The following FOXP2 variants were observed in gnomAD, a reference collection of about 807,000 sequenced individuals.
FOXP2 encodes forkhead box protein P2.
FOXP2 carries 12 observed loss-of-function variants against 115.8 expected under a neutral mutation model. The ratio of observed to expected loss-of-function variants is 0.10; its 90% CI spans 0.07 to 0.17. The LOEUF (loss-of-function observed/expected upper bound fraction) is 0.17, where lower values mean the gene tolerates loss of function less well. FOXP2 is among the 10% of genes least tolerant of loss of function. The pLI is 1.00. For missense variants in FOXP2, 629 were observed against 843.5 expected (o/e 0.75, Z 3.15); for synonymous variants, 328 against 297.7 (o/e 1.10, Z -1.05).
At chr7:114,458,908 C>A (rs1795440534) in intron 2 of FOXP2, among the ~76,000 whole-genome samples, 1 of 152,060 alleles carries the variant, frequency 6.6e-6, no homozygotes, top group South Asian at 2.1e-4. Context: ...GAGGGAGGTG[C>A]TGGCTAGGTG....
Position 114,603,373 on chromosome 7 carries a change from A to G in FOXP2, c.259-25167A>G, listed in dbSNP as rs575418555. Among the ~76,000 whole-genome samples the G allele has an allele frequency of 2.0e-5, 3 of 152,340 alleles. No homozygotes were observed. In the South Asian group the frequency reaches 6.2e-4, roughly 32 times the overall value. ...AAATTACTTTCCCAAACTGGAATTAAGGGAATTCATGAAAACCTGATTTGC... is the reference window on the plus strand; with the variant it reads ...AAATTACTTTCCCAAACTGGAATTAGGGGAATTCATGAAAACCTGATTTGC... On this transcript the variant is annotated intron_variant, in intron 3 of 16. Transcript: ENST00000350908.
chr7:114,604,440 T>G (rs1388395421), intron 3 of FOXP2, among the ~76,000 whole-genome samples: 1 of 152,202 alleles, frequency 6.6e-6, no homozygotes, highest in East Asian at 1.9e-4. Context: ...TCTCATATGT[T>G]ATGTCAATCT....
chr7:114,482,275 T>A (rs1385388365), intron 2 of FOXP2, among the ~76,000 whole-genome samples: 3 of 151,482 alleles, frequency 2.0e-5, no homozygotes, highest in Admixed American at 6.6e-5. Flanking sequence ...AATATTAACA[T>A]CCTCTCAGTG....
intron 2 of FOXP2, among the ~76,000 whole-genome samples, chr7:114,377,428 C>A (rs528694184): frequency 2.6e-5 from 4 of 152,188 alleles, no homozygotes; most frequent in South Asian, 4.1e-4. Flanking sequence ...AAAAGAAGTA[C>A]AAGAAAAATG....
intron 1 of FOXP2, chr7:114,088,140 TAC>T (rs1799463132): frequency 6.9e-6 from 1 of 144,198 alleles, no homozygotes; most frequent in African/African-American, 2.5e-5. Flanking sequence ...TCCACACACA[TAC>T]ACACTTTTTT....
chr7:114,246,982 G>A (rs772293129), intron 1 of FOXP2, among the ~76,000 whole-genome samples: 1 of 152,014 alleles, frequency 6.6e-6, no homozygotes, highest in Non-Finnish European at 1.5e-5. Context: ...TTTCACATTT[G>A]GCTTTCTTTC....
At chr7:114,572,973 C>T (rs1801393703) in intron 3 of FOXP2, among the ~76,000 whole-genome samples, 1 of 151,806 alleles carries the variant, frequency 6.6e-6, no homozygotes, top group South Asian at 2.1e-4. Flanking sequence ...GCTTTGAATG[C>T]AGTGTTAAGT....
intron 13 of FOXP2, 72 bp downstream of exon 13, chr7:114,659,745 A>G: frequency 8.4e-7 from 1 of 1,192,294 alleles, no homozygotes; most frequent in Non-Finnish European, 1.3e-6. Context: ...ACATTTATTT[A>G]CATGACATAA....
chr7:114,476,188 C>T (rs1796252340), intron 2 of FOXP2, among the ~76,000 whole-genome samples: 1 of 146,812 alleles, frequency 6.8e-6, no homozygotes. Flanking sequence ...GCCAAAAATT[C>T]TTTGTCAAGA....
At chr7:114,435,027 GCT>G (rs1017652773) in intron 2 of FOXP2, among the ~76,000 whole-genome samples, 6 of 152,122 alleles carry the variant, frequency 3.9e-5, no homozygotes, top group African/African-American at 1.4e-4. Context: ...AACTGAATCA[GCT>G]CTCTCATAAT....
intron 1 of FOXP2, among the ~76,000 whole-genome samples, chr7:114,156,308 A>T (rs1018769541): frequency 1.3e-5 from 2 of 152,014 alleles, no homozygotes; most frequent in Non-Finnish European, 2.9e-5. Context: ...GTGGGAGAAG[A>T]GCTCTCTCCT....
intron 16 of FOXP2, among the ~76,000 whole-genome samples, chr7:114,670,519 T>A (rs1807437453): frequency 6.6e-6 from 1 of 152,076 alleles, no homozygotes. Context: ...TATTATACTT[T>A]GGCCTCTCCT....
chr7:114,215,223 G>T (rs1794456328), intron 1 of FOXP2, among the ~76,000 whole-genome samples: 1 of 151,970 alleles, frequency 6.6e-6, no homozygotes, highest in Non-Finnish European at 1.5e-5. Context: ...TTCTTTTGTT[G>T]TTTTATCGTG....
intron 1 of FOXP2, among the ~76,000 whole-genome samples, chr7:114,171,821 T>G (rs1254639952): frequency 6.6e-6 from 1 of 152,224 alleles, no homozygotes; most frequent in Non-Finnish European, 1.5e-5. Context: ...GATTCAGATT[T>G]CTGATGGCAT....
chr7:114,508,799 A>T (rs1584824971), intron 2 of FOXP2, among the ~76,000 whole-genome samples: 1 of 152,086 alleles, frequency 6.6e-6, no homozygotes, highest in South Asian at 2.1e-4. Flanking sequence ...TGATAAGCCA[A>T]CAAGAGATAA....
rs139040580 is a variant in FOXP2, at chr7:114,536,282, A to G, written c.258+1576A>G. Among the ~76,000 whole-genome samples, 789 of 151,646 alleles carry G rather than the reference A, an allele frequency of 5.2e-3. 3 individuals carry two copies. The highest frequency in any genetic ancestry group is 0.017 in the Middle Eastern group (5 of 290). On this transcript the variant is annotated intron_variant, in intron 3 of 16. Coordinates refer to ENST00000350908, the MANE Select transcript of FOXP2 (RefSeq NM_014491.4). ...CTATTTTATCATATTTCTTGACAAA[A>G]TAGAGGAATTCGCAGTTGCTTCTTC...
intron 1 of FOXP2, among the ~76,000 whole-genome samples, chr7:114,098,048 A>T (rs1183843615): frequency 2.0e-5 from 3 of 152,222 alleles, no homozygotes; most frequent in African/African-American, 7.2e-5. Context: ...TGCCTATGGG[A>T]CATAGAGCAT....
chr7:114,439,655 G>A (rs1031267138), intron 2 of FOXP2, among the ~76,000 whole-genome samples: 8 of 151,888 alleles, frequency 5.3e-5, no homozygotes, highest in African/African-American at 1.7e-4. Context: ...AGCCATCATC[G>A]CAGATTAGCC....
chr7:114,647,341 G>A (rs1584989822), intron 8 of FOXP2, among the ~76,000 whole-genome samples: 1 of 151,092 alleles, frequency 6.6e-6, no homozygotes, highest in East Asian at 1.9e-4. Context: ...AGTTGCTTAT[G>A]TATAACACAT....
Sources: gnomAD v4.1 joint callset for allele counts (sites outside exome capture counted in the v4.1 genomes callset) on GRCh38, gnomAD v4.1.1 for gene constraint, MANE v1.5 for transcripts, NCBI Gene and HGNC (gene_info 2026-07-23, HGNC 2026-07-21) for gene names.